AATF: variants seen among roughly 807,000 people sequenced by gnomAD.
The protein encoded by AATF is protein AATF.
A neutral mutation model predicts 63.7 loss-of-function variants in AATF; 48 were observed. The observed-to-expected ratio is 0.75, with a 90% CI of 0.60 to 0.96. The LOEUF (loss-of-function observed/expected upper bound fraction) is 0.96, where lower values mean the gene tolerates loss of function less well. AATF is among the 40% of genes least tolerant of loss of function. The pLI is 0.00. For missense variants in AATF, 639 were observed against 685.7 expected (o/e 0.93, Z 0.76); for synonymous variants, 258 against 247.7 (o/e 1.04, Z -0.39).
intron 10 of AATF, among the ~76,000 whole-genome samples, chr17:37,026,220 CTAA>C (rs2071510004): frequency 6.6e-6 from 1 of 152,162 alleles, no homozygotes; most frequent in Non-Finnish European, 1.5e-5. Context: ...TTGCAGGAGA[CTAA>C]GGAGACATCA....
chr17:37,002,771 G>T (rs2071310778), intron 8 of AATF, among the ~76,000 whole-genome samples: 1 of 151,810 alleles, frequency 6.6e-6, no homozygotes, highest in Non-Finnish European at 1.5e-5. Flanking sequence ...ATTGCTGAAA[G>T]AAATTAAAGA....
In AATF at chr17:37,056,582, T is replaced by A. The variant is rs750389217; in HGVS notation, c.1620-19T>A. On this transcript the variant is annotated intron_variant, in intron 11 of 11. Coordinates refer to ENST00000619387, the MANE Select transcript of AATF (RefSeq NM_012138.4). ...TAGTGAACCAGTGTGTTAACCAGTT[T>A]GCTGTGTTTGTCTTTTAGGACAGAA... The A allele has an allele frequency of 8.1e-6, 13 of 1,613,912 alleles. No individual in the cohort carries two copies. The South Asian group carries it at 1.4e-4, about 18-fold the overall frequency.
intron 11 of AATF, among the ~76,000 whole-genome samples, chr17:37,041,136 T>A (rs534596683): frequency 6.6e-6 from 1 of 152,336 alleles, no homozygotes; most frequent in African/African-American, 2.4e-5. Context: ...CTTATAGAAT[T>A]TTTTGTGTAT....
rs2071470301 is a variant in AATF at position 37,021,555 on chromosome 17, G to A, written c.1547+541G>A. ...GAGGCAGTAGAATCACTTGAACCCGGGAGGCGGAGGCTGCAGTGAGCCAAG... is the reference window on the plus strand; with the variant it reads ...GAGGCAGTAGAATCACTTGAACCCGAGAGGCGGAGGCTGCAGTGAGCCAAG... On this transcript the variant is annotated intron_variant, in intron 10 of 11. Coordinates refer to ENST00000619387, the MANE Select transcript of AATF (RefSeq NM_012138.4). Among the ~76,000 whole-genome samples the A allele has an allele frequency of 2.6e-5, 4 of 152,162 alleles. No homozygotes were observed. In the South Asian group the frequency reaches 8.3e-4, roughly 32 times the overall value.
At chr17:36,961,781 TCTC>T (rs764677041) in intron 4 of AATF, among the ~76,000 whole-genome samples, 4 of 152,032 alleles carry the variant, frequency 2.6e-5, no homozygotes, top group Non-Finnish European at 4.4e-5. Context: ...TTTAAGCAAT[TCTC>T]CTGCCTCAGC....
chr17:37,032,779 G>A (rs1230679724), intron 11 of AATF, among the ~76,000 whole-genome samples: 2 of 151,970 alleles, frequency 1.3e-5, no homozygotes, highest in African/African-American at 4.8e-5. Flanking sequence ...GCATTTTCAT[G>A]TCGTTAAAAT....
At position 37,056,787 on chromosome 17, in the gene AATF, C is replaced by A; in HGVS notation, c.*123C>A. ...AAGCCCCTGGAAAGATGCTGCGTTCCGAACCTGTGCCTAATACACGCAAGG... is the reference window on the plus strand; with the variant it reads ...AAGCCCCTGGAAAGATGCTGCGTTCAGAACCTGTGCCTAATACACGCAAGG... On this transcript the variant is annotated 3_prime_UTR_variant, in exon 12 of 12. Transcript: ENST00000619387. The A allele has an allele frequency of 9.4e-7, 1 of 1,067,658 alleles. No individual in the cohort carries two copies. The highest frequency in any genetic ancestry group is 1.4e-6 in the Non-Finnish European group (1 of 731,768). The allele number at this position is 1,067,658 out of a possible 1,614,324, so 66.1% of individuals were successfully genotyped here. A position where few individuals can be genotyped will look rare whatever the true frequency, so the allele number is the denominator to read the frequency against.
At chr17:37,023,669 G>A (rs1366902061) in intron 10 of AATF, among the ~76,000 whole-genome samples, 2 of 150,002 alleles carry the variant, frequency 1.3e-5, no homozygotes. Context: ...TTAAAAAGAG[G>A]CATTCTTTTT....
chr17:36,985,324 C>T (rs2071159564), intron 4 of AATF, among the ~76,000 whole-genome samples: 1 of 151,868 alleles, frequency 6.6e-6, no homozygotes, highest in African/African-American at 2.4e-5. Flanking sequence ...GCTGGAGTGC[C>T]GTGGAGTGAT....
chr17:36,991,587 CTTTT>C (rs34166182), intron 8 of AATF, among the ~76,000 whole-genome samples: 2 of 138,598 alleles, frequency 1.4e-5, no homozygotes, highest in Admixed American at 7.2e-5. Flanking sequence ...ATAAGTTATA[CTTTT>C]TTTTTTTTTT....
intron 11 of AATF, among the ~76,000 whole-genome samples, chr17:37,050,871 C>T (rs1176954253): frequency 3.9e-5 from 6 of 152,164 alleles, no homozygotes; most frequent in Admixed American, 3.9e-4. Flanking sequence ...GGGAGACCCC[C>T]CACTCCTAAG....
chr17:36,958,723 T>C (rs1046602338), intron 4 of AATF, among the ~76,000 whole-genome samples: 2 of 152,260 alleles, frequency 1.3e-5, no homozygotes, highest in East Asian at 3.8e-4. Context: ...GCTCACCTTC[T>C]GGATTATTTT....
At chr17:37,046,420 C>T (rs890758811) in intron 11 of AATF, among the ~76,000 whole-genome samples, 2 of 152,054 alleles carry the variant, frequency 1.3e-5, no homozygotes, top group African/African-American at 4.8e-5. Flanking sequence ...TCCTTGAACG[C>T]TCGGGGGGAG....
chr17:37,002,703 A>C (rs932194800), intron 8 of AATF, among the ~76,000 whole-genome samples: 3 of 151,874 alleles, frequency 2.0e-5, no homozygotes, highest in Admixed American at 2.0e-4. Flanking sequence ...ATAATAAAAT[A>C]CCTAGGAATA....
intron 10 of AATF, among the ~76,000 whole-genome samples, chr17:37,028,084 T>C (rs2071523713): frequency 6.6e-6 from 1 of 152,198 alleles, no homozygotes; most frequent in South Asian, 2.1e-4. Flanking sequence ...AGTTTACATA[T>C]ACATACCTTT....
intron 4 of AATF, among the ~76,000 whole-genome samples, chr17:36,958,001 T>C (rs550029127): frequency 1.3e-5 from 2 of 152,148 alleles, no homozygotes; most frequent in Admixed American, 6.5e-5. Flanking sequence ...TGGTGTTACA[T>C]GTTGGTAATT....
chr17:37,014,541 T>C (rs1216296643), intron 8 of AATF, among the ~76,000 whole-genome samples: 2 of 152,178 alleles, frequency 1.3e-5, no homozygotes, highest in Admixed American at 6.5e-5. Flanking sequence ...CTGGGACATA[T>C]GATCACCTCT....
chr17:37,033,413 T>C (rs555230999), intron 11 of AATF, among the ~76,000 whole-genome samples: 6 of 152,274 alleles, frequency 3.9e-5, no homozygotes, highest in African/African-American at 1.4e-4. Flanking sequence ...TGAAATCTAG[T>C]TTAGATATTA....
At chr17:37,042,578 C>CTT (rs746570954) in intron 11 of AATF, among the ~76,000 whole-genome samples, 2,577 of 131,716 alleles carry the variant, frequency 0.02, 86 homozygotes, top group African/African-American at 0.068. Flanking sequence ...CCACACCCAG[C>CTT]TTTTTTTTTT....
Sources: allele counts gnomAD v4.1 joint callset (sites outside exome capture counted in the v4.1 genomes callset), GRCh38; gene constraint gnomAD v4.1.1; transcripts MANE v1.5; gene names NCBI Gene and HGNC (gene_info 2026-07-23, HGNC 2026-07-21).